Variants in RAG1 observed in about 807,000 individuals in gnomAD.
RAG1 encodes the protein recombination activating 1, also known as V(D)J recombination-activating protein 1.
In RAG1, 35 loss-of-function variants were observed where a neutral mutation model predicts 62.7. That is an observed-to-expected ratio of 0.56 (90% CI 0.43 to 0.74). The LOEUF is 0.74. RAG1 is among the 30% of genes least tolerant of loss of function. RAG1 has a pLI of 0.00. For synonymous variants in RAG1, 461 were observed against 470.3 expected, an observed-to-expected ratio of 0.98 and a Z score of 0.26; for missense variants, 1,169 against 1,278.6, an observed-to-expected ratio of 0.91 and a Z score of 1.31.
Position 36,574,161 on chromosome 11 carries a change from A to G in RAG1, c.857A>G (p.His286Arg). ...TKLLAVDFPE[H>R]FVKSISCQIC... ...CTCCTTGCAGTGGACTTCCCAGAGC[A>G]CTTTGTGAAATCCATCTCCTGCCAG... The change falls in exon 2 of 2, where the codon CAC becomes CGC. Residue 286 changes from histidine (H) to arginine (R), a missense_variant. His to Arg is a conservative substitution (Grantham distance 29). Around this residue, in one of 2 missense-constraint regions of RAG1, gnomAD observed 800 missense variants for 943.3 expected, o/e 0.85. Transcript: ENST00000299440. The G allele has an allele frequency of 1.2e-6, 2 of 1,614,200 alleles. No homozygotes were observed. The highest frequency in any genetic ancestry group is 1.7e-6 in the Non-Finnish European group (2 of 1,180,042).
Position 36,577,461 on chromosome 11 carries a change from A to G in RAG1, c.*1025A>G, listed in dbSNP as rs1213031396. 2 of 166,982 alleles carry G rather than the reference A, an allele frequency of 1.2e-5. No individual in the cohort carries two copies. Among genetic ancestry groups the G allele is most frequent in the Non-Finnish European group, 2.9e-5 (2 of 68,110 alleles). The allele number at this position is 166,982 out of a possible 1,614,324, so 10.3% of individuals were successfully genotyped here. A position where few individuals can be genotyped will look rare whatever the true frequency, so the allele number is the denominator to read the frequency against. On this transcript the variant is annotated 3_prime_UTR_variant, in exon 2 of 2. Coordinates refer to ENST00000299440, the MANE Select transcript of RAG1 (RefSeq NM_000448.3). ...AGAGTCCTCTCCTCTGCAATGTGTT[A>G]TTCTTTCTATAATGATCAGTTTACT...
At chr11:36,525,387 C>A (rs1258189365) in intron 2 of RAG1, among the ~76,000 whole-genome samples, 2 of 151,962 alleles carry the variant, frequency 1.3e-5, no homozygotes, top group Admixed American at 6.6e-5. Context: ...GTTCGTTTAC[C>A]TTCCATATAA....
At chr11:36,512,555 A>G (rs985064621) in intron 1 of RAG1, among the ~76,000 whole-genome samples, 1 of 152,230 alleles carries the variant, frequency 6.6e-6, no homozygotes, top group African/African-American at 2.4e-5. Flanking sequence ...GGACCTGGTC[A>G]GATGTCCTTA....
In RAG1 at chr11:36,576,208, C is replaced by A. The variant is rs193922463; in HGVS notation, c.2904C>A (p.Asn968Lys). 6.2e-7 allele frequency: 1 copy of A among 1,614,122 alleles called. No homozygotes were observed. Among genetic ancestry groups the A allele is most frequent in the Non-Finnish European group, 8.5e-7 (1 of 1,180,046 alleles). The change falls in exon 2 of 2, where the codon AAC becomes AAA. Residue 968 changes from asparagine to lysine, a missense_variant. By Grantham distance (94) the Asn-to-Lys change is moderately conservative. Transcript: ENST00000299440. ...AWASEGNESG[N>K]KLFRRFRKMN... ...CAAGTGAGGGAAATGAGTCTGGTAACAAACTGTTTAGGCGCTTCCGGAAAA... is the reference window on the plus strand; with the variant it reads ...CAAGTGAGGGAAATGAGTCTGGTAAAAAACTGTTTAGGCGCTTCCGGAAAA...
Position 36,574,090 on chromosome 11 carries a change from C to T in RAG1, c.786C>T (p.Val262=). 1 of 1,614,178 alleles carries T rather than the reference C, an allele frequency of 6.2e-7. No individual in the cohort carries two copies. The highest frequency in any genetic ancestry group is 8.5e-7 in the Non-Finnish European group (1 of 1,180,046). ...AGGCAAGGATCAGCAGCAAGGATGT[C>T]ATGAAGAAGATCGCCAACTGCAGTA... ...RAQARISSKD[V]MKKIANCSKI... The change falls in exon 2 of 2, where the codon GTC becomes GTT. Residue 262 remains valine, a synonymous_variant. Transcript: ENST00000299440.
intron 3 of RAG1, among the ~76,000 whole-genome samples, chr11:36,559,685 A>G (rs1171552781): frequency 6.6e-6 from 1 of 151,926 alleles, no homozygotes; most frequent in Non-Finnish European, 1.5e-5. Flanking sequence ...TTTTTATTCA[A>G]TTTATATAAT....
intron 1 of RAG1, among the ~76,000 whole-genome samples, chr11:36,571,925 C>T (rs1323060673): frequency 1.3e-5 from 2 of 152,106 alleles, no homozygotes; most frequent in Non-Finnish European, 2.9e-5. Context: ...TGCCCCAAAA[C>T]ACCAATTTCT....
intron 2 of RAG1, among the ~76,000 whole-genome samples, chr11:36,531,040 A>G (rs1411981844): frequency 8.4e-6 from 1 of 119,224 alleles, no homozygotes; most frequent in East Asian, 2.4e-4. Flanking sequence ...GAATTGTTGC[A>G]TCATCTTGAT....
intron 2 of RAG1, among the ~76,000 whole-genome samples, chr11:36,525,675 A>G (rs1387966636): frequency 6.6e-6 from 1 of 152,200 alleles, no homozygotes; most frequent in East Asian, 1.9e-4. Flanking sequence ...ATATTACAAA[A>G]ATAAATAAAT....
chr11:36,574,021 G>A lies in RAG1; in HGVS notation c.717G>A (p.Val239=), dbSNP rs1166334808. 6.2e-7 allele frequency: 1 copy of A among 1,614,124 alleles called. No homozygotes were observed. The highest frequency in any genetic ancestry group is 8.5e-7 in the Non-Finnish European group (1 of 1,180,034). The change falls in exon 2 of 2, where the codon GTG becomes GTA. Residue 239 remains valine, a synonymous_variant. Transcript: ENST00000299440. ...NLQLSKKLKT[V]LDQARQARQH... ...AGCTCAGCAAAAAACTCAAAACTGT[G>A]CTTGACCAAGCAAGACAAGCCCGTC...
At chr11:36,526,956 T>A (rs541825791) in intron 2 of RAG1, among the ~76,000 whole-genome samples, 5 of 152,358 alleles carry the variant, frequency 3.3e-5, no homozygotes, top group Admixed American at 2.0e-4. Context: ...TAAATTTGTT[T>A]AAGTTCTTTG....
At chr11:36,531,824 A>T (rs185072465) in intron 2 of RAG1, among the ~76,000 whole-genome samples, 4 of 152,168 alleles carry the variant, frequency 2.6e-5, no homozygotes, top group South Asian at 4.1e-4. Flanking sequence ...GACGTGAGCT[A>T]GAAACTTTCA....
intron 3 of RAG1, among the ~76,000 whole-genome samples, chr11:36,560,243 G>C (rs972293579): frequency 6.6e-6 from 1 of 152,154 alleles, no homozygotes; most frequent in African/African-American, 2.4e-5. Context: ...TAGCTCTGCT[G>C]GTCATCAGTA....
chr11:36,511,407 T>C (rs979608924), intron 1 of RAG1, among the ~76,000 whole-genome samples: 1 of 152,156 alleles, frequency 6.6e-6, no homozygotes, highest in Admixed American at 6.6e-5. Flanking sequence ...TAAGCCATGA[T>C]TGCACCACTG....
At chr11:36,516,077 A>C (rs886749872) in intron 1 of RAG1, among the ~76,000 whole-genome samples, 1 of 152,156 alleles carries the variant, frequency 6.6e-6, no homozygotes, top group Non-Finnish European at 1.5e-5. Context: ...CATTGGAGCC[A>C]GTTTTGTTCT....
chr11:36,557,532 C>CA (rs1310666631), intron 3 of RAG1, among the ~76,000 whole-genome samples: 1 of 151,234 alleles, frequency 6.6e-6, no homozygotes. Flanking sequence ...GTGACAGGAA[C>CA]CCGGTACCTC....
intron 3 of RAG1, among the ~76,000 whole-genome samples, chr11:36,543,992 C>T (rs1850353548): frequency 1.3e-5 from 2 of 152,146 alleles, no homozygotes; most frequent in Non-Finnish European, 2.9e-5. Context: ...GAAGATAGTA[C>T]AGAGAATTCT....
At chr11:36,520,797 A>G (rs1860067633) in intron 2 of RAG1, among the ~76,000 whole-genome samples, 1 of 152,140 alleles carries the variant, frequency 6.6e-6, no homozygotes, top group Non-Finnish European at 1.5e-5. Context: ...GACAAAGTTG[A>G]TAGCTATTGG....
intron 3 of RAG1, among the ~76,000 whole-genome samples, chr11:36,545,028 T>C (rs73451258): frequency 0.011 from 1,704 of 152,342 alleles, 36 homozygotes; most frequent in African/African-American, 0.038. Context: ...AATGGACTAA[T>C]ACAATGGTTG....
Sources: gnomAD v4.1 joint callset for allele counts (sites outside exome capture counted in the v4.1 genomes callset) on GRCh38, gnomAD v4.1.1 for gene constraint, gnomAD v4.1.1 regional missense constraint, MANE v1.5 for transcripts, NCBI Gene and HGNC (gene_info 2026-07-23, HGNC 2026-07-21) for gene names.